Variants in SLC66A2 observed in about 807,000 individuals in gnomAD.
SLC66A2 encodes solute carrier family 66 member 2, also known as PQ loop repeat containing 1.
Under a neutral mutation model 25.5 loss-of-function variants are expected in SLC66A2, and 23 were observed. That is an observed-to-expected ratio of 0.90 (90% CI 0.65 to 1.28). The LOEUF is 1.28. SLC66A2 is among the 50% of genes most tolerant of loss of function. The pLI is 0.00. For missense variants in SLC66A2, 396 were observed against 373.1 expected, an observed-to-expected ratio of 1.06 and a Z score of -0.51; for synonymous variants, 193 against 166.5, an observed-to-expected ratio of 1.16 and a Z score of -1.23.
At chr18:79,905,695 G>A (rs368897491) in intron 5 of SLC66A2, among the ~76,000 whole-genome samples, 7 of 152,360 alleles carry the variant, frequency 4.6e-5, no homozygotes, top group East Asian at 1.9e-4. Context: ...CCTCACACAC[G>A]GCTGAGATTT....
chr18:79,946,689 T>G (rs987069792), intron 2 of SLC66A2, among the ~76,000 whole-genome samples: 1 of 152,210 alleles, frequency 6.6e-6, no homozygotes, highest in African/African-American at 2.4e-5. Context: ...CAAGCAGGGC[T>G]GGGCACAGTG....
At chr18:79,908,922 A>G (rs1982527541) in intron 5 of SLC66A2, among the ~76,000 whole-genome samples, 2 of 152,254 alleles carry the variant, frequency 1.3e-5, no homozygotes, top group Admixed American at 1.3e-4. Context: ...TACCTGTTAG[A>G]GCACAGTTAC....
chr18:79,927,214 C>A lies in SLC66A2; in HGVS notation c.391+6755G>T, dbSNP rs866684157. Among the ~76,000 whole-genome samples the A allele has an allele frequency of 5.5e-4, 84 of 152,292 alleles. No homozygotes were observed. The highest frequency in any genetic ancestry group is 2.0e-3 in the African/African-American group (82 of 41,546). ...GGCCACCTGGGAGGGAACAAACAGG[C>A]ACTGCCCAGACCCGGAGCTGCAGGC... is the stretch of plus-strand genomic sequence containing the variant. On this transcript the variant is annotated intron_variant, in intron 4 of 5. Coordinates refer to ENST00000397778, the MANE Select transcript of SLC66A2 (RefSeq NM_025078.5). The surrounding 1 kb of genome is among the most constrained non-coding windows in gnomAD (Gnocchi z 6.2).
In SLC66A2 at chr18:79,927,898, G is replaced by T. The variant is rs1223975761; in HGVS notation, c.391+6071C>A. On this transcript the variant is annotated intron_variant, in intron 4 of 5. Coordinates refer to ENST00000397778, the MANE Select transcript of SLC66A2 (RefSeq NM_025078.5). This position sits in a 1 kb window ranked among gnomAD's most constrained non-coding sequence, Gnocchi z 6.2. ...CTAACAGCTGCTGAGACACATTCCT[G>T]CAGCCGCCTCAGCTAGAGCCAGGGA... Among the ~76,000 whole-genome samples, 1 of 152,242 alleles carries T rather than the reference G, an allele frequency of 6.6e-6. No individual in the cohort carries two copies. Among genetic ancestry groups the T allele is most frequent in the Non-Finnish European group, 1.5e-5 (1 of 68,038 alleles).
rs200058311 is a variant in SLC66A2, at chr18:79,927,196, T to C, written c.391+6773A>G. ...TGTCCTTGGAAACGGCCCGGCCACC[T>C]GGGAGGGAACAAACAGGCACTGCCC... On this transcript the variant is annotated intron_variant, in intron 4 of 5. Coordinates refer to ENST00000397778, the MANE Select transcript of SLC66A2 (RefSeq NM_025078.5). The surrounding 1 kb of genome is among the most constrained non-coding windows in gnomAD (Gnocchi z 6.2). Among the ~76,000 whole-genome samples the C allele has an allele frequency of 5.3e-5, 8 of 152,198 alleles. No individual in the cohort carries two copies. In the East Asian group the frequency reaches 1.5e-3, roughly 29 times the overall value.
At position 79,941,057 on chromosome 18, in the gene SLC66A2, C is replaced by A. The variant is rs140645566; in HGVS notation, c.337+2272G>T. 2.0e-5 allele frequency among the ~76,000 whole-genome samples: 3 copies of A among 152,164 alleles called. No individual in the cohort carries two copies. Among genetic ancestry groups the A allele is most frequent in the African/African-American group, 4.8e-5 (2 of 41,434 alleles). Reference sequence around the variant, plus strand: ...AGGAAAGGGTGCCCCAGCTTCCTATCGCCTCCATAACAAGGTACCACAAAC... The same window carrying A: ...AGGAAAGGGTGCCCCAGCTTCCTATAGCCTCCATAACAAGGTACCACAAAC... On this transcript the variant is annotated intron_variant, in intron 3 of 5. Transcript: ENST00000397778. The surrounding 1 kb of genome is among the most constrained non-coding windows in gnomAD (Gnocchi z 4.1).
rs1160547509 is a variant in SLC66A2 at position 79,903,651 on chromosome 18, G to A, written c.*325C>T. On this transcript the variant is annotated 3_prime_UTR_variant, in exon 6 of 6. Coordinates refer to ENST00000397778, the MANE Select transcript of SLC66A2 (RefSeq NM_025078.5). Reference sequence around the variant, plus strand: ...GTGTGTCCACCTGGAGCAGGTTCCTGCAGGCCGCCCAATGTGTACCTTGGG... The same window carrying A: ...GTGTGTCCACCTGGAGCAGGTTCCTACAGGCCGCCCAATGTGTACCTTGGG... 4 of 358,650 alleles carry A rather than the reference G, an allele frequency of 1.1e-5. No individual in the cohort carries two copies. In the East Asian group the frequency reaches 1.8e-4, roughly 16 times the overall value. 22.2% of individuals were successfully genotyped at this position (358,650 alleles called of 1,614,324 possible).
At chr18:79,936,338 T>C (rs1036914254) in intron 3 of SLC66A2, among the ~76,000 whole-genome samples, 1 of 152,166 alleles carries the variant, frequency 6.6e-6, no homozygotes, top group Non-Finnish European at 1.5e-5. Flanking sequence ...CCCCTGAAAA[T>C]GCATGCAAGA....
intron 5 of SLC66A2, among the ~76,000 whole-genome samples, chr18:79,910,141 C>CAA (rs1373935222): frequency 6.5e-5 from 9 of 138,166 alleles, no homozygotes; most frequent in Admixed American, 7.1e-5. Flanking sequence ...CACACCCTCA[C>CAA]CAGAGTCCCC....
At position 79,904,283 on chromosome 18, in the gene SLC66A2, T is replaced by C. The variant is rs1456747342; in HGVS notation, c.609-100A>G. The C allele has an allele frequency of 8.2e-6, 9 of 1,097,028 alleles. No individual in the cohort carries two copies. Among genetic ancestry groups the C allele is most frequent in the Non-Finnish European group, 9.5e-6 (7 of 736,214 alleles). 68.0% of individuals were successfully genotyped at this position (1,097,028 alleles called of 1,614,324 possible). On this transcript the variant is annotated intron_variant, in intron 5 of 5. Transcript: ENST00000397778. The surrounding 1 kb of genome is among the most constrained non-coding windows in gnomAD (Gnocchi z 6.3). ...CTTAGACAGCGGGGAGACCTGGGGCTCAGGGGCACCCAGGGGGCTAAGGGG... is the reference window on the plus strand; with the variant it reads ...CTTAGACAGCGGGGAGACCTGGGGCCCAGGGGCACCCAGGGGGCTAAGGGG...
At chr18:79,923,053 T>G (rs1308873927) in intron 4 of SLC66A2, among the ~76,000 whole-genome samples, 1 of 150,370 alleles carries the variant, frequency 6.7e-6, no homozygotes, top group Non-Finnish European at 1.5e-5. Flanking sequence ...GCATCCGAGC[T>G]GGAAAGGGGC....
chr18:79,905,997 C>G (rs1050942577), intron 5 of SLC66A2, among the ~76,000 whole-genome samples: 2 of 152,214 alleles, frequency 1.3e-5, no homozygotes, highest in African/African-American at 4.8e-5. Context: ...GATACTCAAG[C>G]TATTTCTTCT....
chr18:79,927,978 T>A lies in SLC66A2; in HGVS notation c.391+5991A>T, dbSNP rs115682137. Among the ~76,000 whole-genome samples the A allele has an allele frequency of 3.0e-3, 457 of 152,278 alleles. 1 individual carries two copies. The highest frequency in any genetic ancestry group is 9.9e-3 in the African/African-American group (413 of 41,558). The stretch of plus-strand genomic sequence containing the variant: ...CAGCCTCCTCTCATCTTCAGGAGCC[T>A]TTTCCCCCCTTTACCCTAACTGACA... On this transcript the variant is annotated intron_variant, in intron 4 of 5. Coordinates refer to ENST00000397778, the MANE Select transcript of SLC66A2 (RefSeq NM_025078.5). The surrounding 1 kb of genome is among the most constrained non-coding windows in gnomAD (Gnocchi z 6.2).
intron 5 of SLC66A2, among the ~76,000 whole-genome samples, chr18:79,913,225 C>T (rs1473874912): frequency 6.6e-6 from 1 of 152,228 alleles, no homozygotes; most frequent in Non-Finnish European, 1.5e-5. Flanking sequence ...TCGGGGTCCA[C>T]ACAGGCACCT....
In SLC66A2 at chr18:79,940,696, A is replaced by C. The variant is rs1987586532; in HGVS notation, c.337+2633T>G. Among the ~76,000 whole-genome samples the C allele has an allele frequency of 6.6e-6, 1 of 152,120 alleles. No individual in the cohort carries two copies. Reference sequence around the variant, plus strand: ...CCCCTCTCCTGGCAGATGAGAGGACATGAGCCCACACCTTTCATCAAGACG... The same window carrying C: ...CCCCTCTCCTGGCAGATGAGAGGACCTGAGCCCACACCTTTCATCAAGACG... On this transcript the variant is annotated intron_variant, in intron 3 of 5. Transcript: ENST00000397778. This position sits in a 1 kb window ranked among gnomAD's most constrained non-coding sequence, Gnocchi z 4.1.
chr18:79,934,127 T>TA, intron 3 of SLC66A2, 105 bp from the exon 4 acceptor site: 1 of 796,398 alleles, frequency 1.3e-6, no homozygotes, highest in Non-Finnish European at 1.9e-6. Flanking sequence ...TTGCATTTCT[T>TA]TAAAAAAAAA....
chr18:79,935,899 C>G (rs1421158155), intron 3 of SLC66A2, among the ~76,000 whole-genome samples: 2 of 152,252 alleles, frequency 1.3e-5, no homozygotes, highest in Non-Finnish European at 2.9e-5. Flanking sequence ...CAGAGACCAG[C>G]TATTCTTGCC....
At chr18:79,950,587 A>G (rs1599679708) in intron 2 of SLC66A2, 137 bp downstream of exon 2, 2 of 757,264 alleles carry the variant, frequency 2.6e-6, no homozygotes, top group Admixed American at 4.7e-5. Context: ...GCAGCCACGT[A>G]CCCCATCCAC....
At chr18:79,911,109 A>T (rs1271469971) in intron 5 of SLC66A2, among the ~76,000 whole-genome samples, 2 of 152,226 alleles carry the variant, frequency 1.3e-5, no homozygotes, top group Non-Finnish European at 2.9e-5. Context: ...AGAGCCTGGA[A>T]CAGCGTGGGC....
Sources: allele counts gnomAD v4.1 joint callset (sites outside exome capture counted in the v4.1 genomes callset), GRCh38; gene constraint gnomAD v4.1.1; non-coding constraint Gnocchi (gnomAD v3.1); transcripts MANE v1.5; gene names NCBI Gene and HGNC (gene_info 2026-07-23, HGNC 2026-07-21).